Variants in CNTN4 observed in about 807,000 individuals in gnomAD.
The protein encoded by CNTN4 is contactin-4.
In CNTN4, 77 loss-of-function variants were observed where a neutral mutation model predicts 122.5. That is an observed-to-expected ratio of 0.63 (90% CI 0.52 to 0.76). CNTN4 has a LOEUF of 0.76. Among genes scored for constraint, CNTN4 ranks in the 30% least tolerant of loss-of-function variants. CNTN4 has a pLI of 0.00. For missense variants in CNTN4, 1,256 were observed against 1,259.1 expected (o/e 1.00, Z 0.04); for synonymous variants, 512 against 447.0 (o/e 1.15, Z -1.83).
intron 2 of CNTN4, among the ~76,000 whole-genome samples, chr3:2,107,506 C>T (rs979727411): frequency 7.2e-5 from 11 of 152,010 alleles, no homozygotes; most frequent in Admixed American, 3.3e-4. Context: ...TTCACTATCA[C>T]GAAAACAGCA....
At chr3:2,586,657 T>A (rs1341210494) in intron 4 of CNTN4, among the ~76,000 whole-genome samples, 1 of 152,248 alleles carries the variant, frequency 6.6e-6, no homozygotes, top group African/African-American at 2.4e-5. Context: ...CCTGTCCCAG[T>A]GCCTCTTCAG....
intron 3 of CNTN4, among the ~76,000 whole-genome samples, chr3:2,376,291 C>T (rs967672603): frequency 5.3e-5 from 8 of 152,072 alleles, no homozygotes; most frequent in Non-Finnish European, 1.2e-4. Flanking sequence ...AATTATTATT[C>T]CCTGATCCAA....
intron 2 of CNTN4, among the ~76,000 whole-genome samples, chr3:2,210,161 A>G (rs751191362): frequency 1.2e-4 from 19 of 152,164 alleles, no homozygotes; most frequent in Admixed American, 9.2e-4. Context: ...TGAGAGAATT[A>G]TGCTTGTCCA....
intron 3 of CNTN4, among the ~76,000 whole-genome samples, chr3:2,419,635 T>C (rs1303312640): frequency 1.3e-5 from 2 of 152,164 alleles, no homozygotes; most frequent in Non-Finnish European, 2.9e-5. Flanking sequence ...AAATGAAATT[T>C]TCAACCAGTT....
intron 2 of CNTN4, among the ~76,000 whole-genome samples, chr3:2,245,447 C>T (rs1231780433): frequency 6.6e-5 from 10 of 152,002 alleles, no homozygotes; most frequent in Admixed American, 6.6e-4. Context: ...TGATTGTTCT[C>T]ATGTTTTCAG....
intron 13 of CNTN4, among the ~76,000 whole-genome samples, chr3:2,937,925 G>A (rs2094580548): frequency 6.6e-6 from 1 of 152,012 alleles, no homozygotes; most frequent in African/African-American, 2.4e-5. Context: ...GGGAAGAGAG[G>A]GACTCAGCCA....
chr3:2,706,395 A>G (rs1273557077), intron 4 of CNTN4, among the ~76,000 whole-genome samples: 1 of 152,136 alleles, frequency 6.6e-6, no homozygotes, highest in Admixed American at 6.6e-5. Flanking sequence ...GTTAACTTTA[A>G]GGAAGGTGCT....
chr3:2,200,636 A>T (rs1480990894), intron 2 of CNTN4, among the ~76,000 whole-genome samples: 3 of 152,222 alleles, frequency 2.0e-5, no homozygotes, highest in Admixed American at 6.5e-5. Context: ...TGTGAGGACC[A>T]GCTAAATTAA....
chr3:2,735,183 T>C (rs1252387468), intron 4 of CNTN4, among the ~76,000 whole-genome samples: 1 of 152,196 alleles, frequency 6.6e-6, no homozygotes, highest in Non-Finnish European at 1.5e-5. Context: ...TTGGGAAATA[T>C]AGTTTTAAAA....
intron 4 of CNTN4, among the ~76,000 whole-genome samples, chr3:2,585,668 A>C (rs2080162373): frequency 7.8e-6 from 1 of 128,062 alleles, no homozygotes; most frequent in Admixed American, 8.7e-5. Context: ...GAAGGGGAAC[A>C]TCACACACCG....
intron 3 of CNTN4, among the ~76,000 whole-genome samples, chr3:2,339,708 C>T (rs1269716359): frequency 6.6e-6 from 1 of 152,092 alleles, no homozygotes; most frequent in African/African-American, 2.4e-5. Context: ...ACAATGTATG[C>T]AAATTTTTTC....
chr3:2,685,159 C>T (rs551466025), intron 4 of CNTN4, among the ~76,000 whole-genome samples: 3 of 152,028 alleles, frequency 2.0e-5, no homozygotes, highest in African/African-American at 7.2e-5. Flanking sequence ...CTAAAAATGT[C>T]CACATCAGGA....
chr3:2,783,047 C>T (rs1280350010), intron 6 of CNTN4, among the ~76,000 whole-genome samples: 2 of 151,960 alleles, frequency 1.3e-5, no homozygotes, highest in African/African-American at 2.4e-5. Context: ...GGGAGGCAGA[C>T]GTGGGAGGAT....
chr3:2,661,651 G>A (rs111375428), intron 4 of CNTN4, among the ~76,000 whole-genome samples: 6,502 of 151,654 alleles, frequency 0.043, 464 homozygotes, highest in African/African-American at 0.15. Context: ...TGTCTCTACT[G>A]AAAGTACAAA....
chr3:2,301,383 A>C (rs1160260755), intron 2 of CNTN4, among the ~76,000 whole-genome samples: 1 of 152,212 alleles, frequency 6.6e-6, no homozygotes, highest in Non-Finnish European at 1.5e-5. Flanking sequence ...ATTTTATTAA[A>C]CACAATAAAT....
At chr3:2,519,036 A>G (rs1209872788) in intron 3 of CNTN4, among the ~76,000 whole-genome samples, 1 of 152,176 alleles carries the variant, frequency 6.6e-6, no homozygotes, top group Non-Finnish European at 1.5e-5. Flanking sequence ...ATCTGTTTGT[A>G]CAGAATACCC....
intron 4 of CNTN4, among the ~76,000 whole-genome samples, chr3:2,604,050 C>A (rs1428561976): frequency 2.0e-5 from 3 of 152,166 alleles, no homozygotes; most frequent in Non-Finnish European, 4.4e-5. Context: ...GCAAATCATA[C>A]AGGCTCTTAA....
chr3:2,456,250 G>C (rs746736985), intron 3 of CNTN4, among the ~76,000 whole-genome samples: 1 of 152,030 alleles, frequency 6.6e-6, no homozygotes, highest in African/African-American at 2.4e-5. Context: ...TGTGATAAGA[G>C]TAGCAGTCTT....
chr3:2,307,431 T>C (rs1009817321), intron 2 of CNTN4, among the ~76,000 whole-genome samples: 47 of 127,358 alleles, frequency 3.7e-4, no homozygotes, highest in Non-Finnish European at 5.8e-4. Context: ...CAAGACTCCA[T>C]CTCAAAAAAA....
Sources: gnomAD v4.1 joint callset for allele counts (sites outside exome capture counted in the v4.1 genomes callset) on GRCh38, gnomAD v4.1.1 for gene constraint, MANE v1.5 for transcripts, NCBI Gene and HGNC (gene_info 2026-07-23, HGNC 2026-07-21) for gene names.